NELL1: variants seen among roughly 807,000 people sequenced by gnomAD.
NELL1 encodes the protein protein kinase C-binding protein NELL1.
Under a neutral mutation model 107.4 loss-of-function variants are expected in NELL1, and 76 were observed. That is an observed-to-expected ratio of 0.71 (90% CI 0.59 to 0.86). The LOEUF (loss-of-function observed/expected upper bound fraction) is 0.86. Among genes scored for constraint, NELL1 ranks in the 40% least tolerant of loss-of-function variants. NELL1 has a pLI of 0.00. For synonymous variants in NELL1, 353 were observed against 341.2 expected, an observed-to-expected ratio of 1.03 and a Z score of -0.38; for missense variants, 1,024 against 1,005.5, an observed-to-expected ratio of 1.02 and a Z score of -0.25.
intron 14 of NELL1, among the ~76,000 whole-genome samples, chr11:21,305,660 A>G (rs1849589419): frequency 6.6e-6 from 1 of 151,892 alleles, no homozygotes; most frequent in South Asian, 2.1e-4. Context: ...GATTCTATAT[A>G]TATGTACACT....
intron 15 of NELL1, among the ~76,000 whole-genome samples, chr11:21,437,818 A>G (rs1564893381): frequency 6.6e-6 from 1 of 152,072 alleles, no homozygotes; most frequent in African/African-American, 2.4e-5. Flanking sequence ...TGTAGGCAGC[A>G]TATTTGGGTC....
Position 20,780,929 on chromosome 11 carries a change from C to T in NELL1, c.185-2751C>T, listed in dbSNP as rs370115321. ...ATCAGTTTGTGTGCAACTTTGCAGG[C>T]ATGCTGAAGGGACTGGATTTTATCC... On this transcript the variant is annotated intron_variant, in intron 2 of 19. Transcript: ENST00000357134. Among the ~76,000 whole-genome samples the T allele has an allele frequency of 3.9e-5, 6 of 152,256 alleles. No homozygotes were observed. In the East Asian group the frequency reaches 5.8e-4, roughly 15 times the overall value.
intron 7 of NELL1, among the ~76,000 whole-genome samples, chr11:20,920,594 T>G (rs184065827): frequency 4.3e-4 from 65 of 152,220 alleles, no homozygotes; most frequent in African/African-American, 1.3e-3. Flanking sequence ...AGGCTTTTAT[T>G]TCATATTGTC....
intron 12 of NELL1, among the ~76,000 whole-genome samples, chr11:20,967,929 A>G (rs1851419162): frequency 6.6e-6 from 1 of 151,912 alleles, no homozygotes; most frequent in Non-Finnish European, 1.5e-5. Flanking sequence ...TCCAGTGTTT[A>G]CTCTTTTCCC....
intron 15 of NELL1, among the ~76,000 whole-genome samples, chr11:21,411,912 C>T (rs891217378): frequency 6.6e-6 from 1 of 152,016 alleles, no homozygotes; most frequent in Non-Finnish European, 1.5e-5. Context: ...GTTTGATAGA[C>T]CTTGCTGAAT....
At chr11:21,293,730 A>G (rs1169085377) in intron 14 of NELL1, among the ~76,000 whole-genome samples, 2 of 152,148 alleles carry the variant, frequency 1.3e-5, no homozygotes, top group Admixed American at 6.5e-5. Flanking sequence ...GCACATACAC[A>G]CCATGGAATA....
rs905907236 is a variant in NELL1, at chr11:20,824,376, A to G, written c.336-23207A>G. 7.3e-5 allele frequency among the ~76,000 whole-genome samples: 11 copies of G among 151,172 alleles called. 1 individual carries two copies. Among genetic ancestry groups the G allele is most frequent in the Non-Finnish European group, 1.2e-4 (8 of 67,584 alleles). On this transcript the variant is annotated intron_variant, in intron 3 of 19. Coordinates refer to ENST00000357134, the MANE Select transcript of NELL1 (RefSeq NM_006157.5). ...ACTACTACAGTAAATTGGTGCCAGG[A>G]GTGGGTTGCTGCCATAAGGATACCT... is the stretch of plus-strand genomic sequence containing the variant.
chr11:20,719,683 C>T (rs1213756380), intron 2 of NELL1, among the ~76,000 whole-genome samples: 1 of 152,156 alleles, frequency 6.6e-6, no homozygotes, highest in Non-Finnish European at 1.5e-5. Context: ...CCACTCTTTA[C>T]CCATAGAGGT....
At chr11:21,544,655 A>T (rs1165834479) in intron 16 of NELL1, among the ~76,000 whole-genome samples, 1 of 151,958 alleles carries the variant, frequency 6.6e-6, no homozygotes, top group Non-Finnish European at 1.5e-5. Flanking sequence ...AGGTAGAAAT[A>T]TTTATGATCT....
rs111494024 is a variant in NELL1 at position 21,503,886 on chromosome 11, C to T, written c.1646-30488C>T. ...TTTTTTAAATACAGTAATTGATCCT[C>T]AAACCCTCTTCACACACAATGTTTC... On this transcript the variant is annotated intron_variant, in intron 15 of 19. Transcript: ENST00000357134. Among the ~76,000 whole-genome samples, 653 of 152,084 alleles carry T rather than the reference C, an allele frequency of 4.3e-3. 9 individuals are homozygous for T. The highest frequency in any genetic ancestry group is 0.013 in the African/African-American group (540 of 41,478).
intron 2 of NELL1, among the ~76,000 whole-genome samples, chr11:20,748,080 G>A (rs1480135166): frequency 2.6e-5 from 4 of 152,170 alleles, no homozygotes; most frequent in African/African-American, 7.2e-5. Flanking sequence ...TGTCAGTTCA[G>A]ATGCAAAACC....
chr11:21,393,453 G>C (rs1233739377), intron 15 of NELL1, among the ~76,000 whole-genome samples: 1 of 151,648 alleles, frequency 6.6e-6, no homozygotes, highest in African/African-American at 2.4e-5. Context: ...ATAGAAAACA[G>C]TAAAGCTAAA....
intron 13 of NELL1, among the ~76,000 whole-genome samples, chr11:21,172,938 G>A (rs1286882917): frequency 6.6e-6 from 1 of 151,462 alleles, no homozygotes; most frequent in Non-Finnish European, 1.5e-5. Flanking sequence ...GTGTGTGTGT[G>A]TGTATGTGTG....
rs567502495 is a variant in NELL1, at chr11:21,223,018, G to A, written c.1427-6314G>A. Among the ~76,000 whole-genome samples the A allele has an allele frequency of 7.2e-5, 11 of 152,208 alleles. No individual in the cohort carries two copies. The East Asian group carries it at 1.4e-3, about 19-fold the overall frequency. Reference sequence around the variant, plus strand: ...TGATGAGAAGAATGTATGCTTTGTCGTTGGATATATTGTTCTGGAAATGTC... The same window carrying A: ...TGATGAGAAGAATGTATGCTTTGTCATTGGATATATTGTTCTGGAAATGTC... On this transcript the variant is annotated intron_variant, in intron 13 of 19. Transcript: ENST00000357134.
chr11:20,892,467 C>T (rs185762523), intron 5 of NELL1, among the ~76,000 whole-genome samples: 2 of 152,254 alleles, frequency 1.3e-5, no homozygotes, highest in African/African-American at 4.8e-5. Flanking sequence ...AAATAGGAAT[C>T]CTTTTACACT....
intron 3 of NELL1, among the ~76,000 whole-genome samples, chr11:20,831,391 C>T (rs78541255): frequency 0.014 from 2,194 of 152,272 alleles, 57 homozygotes; most frequent in African/African-American, 0.049. Flanking sequence ...AAAGTGTTTA[C>T]AATGGCTCTG....
upstream of NELL1, chr11:20,669,569 G>C (rs1374567833): frequency 2.2e-6 from 1 of 447,004 alleles, no homozygotes; most frequent in Non-Finnish European, 4.0e-6. This position sits in a 1 kb window ranked among gnomAD's most constrained non-coding sequence, Gnocchi z 4.4. Context: ...CTTCCCGGGC[G>C]CATATGCGAG....
At chr11:20,987,327 C>A (rs1041849065) in intron 12 of NELL1, among the ~76,000 whole-genome samples, 4 of 152,190 alleles carry the variant, frequency 2.6e-5, no homozygotes, top group African/African-American at 9.6e-5. Flanking sequence ...CCCTTCTCTA[C>A]AAGTTACTAG....
chr11:21,550,960 T>C (rs915660151), intron 16 of NELL1, among the ~76,000 whole-genome samples: 27 of 151,380 alleles, frequency 1.8e-4, no homozygotes, highest in Admixed American at 4.0e-4. Context: ...ATGTTGATTC[T>C]TCCTACCCAT....
Sources: allele counts gnomAD v4.1 joint callset (sites outside exome capture counted in the v4.1 genomes callset), GRCh38; gene constraint gnomAD v4.1.1; non-coding constraint Gnocchi (gnomAD v3.1); transcripts MANE v1.5; gene names NCBI Gene and HGNC (gene_info 2026-07-23, HGNC 2026-07-21).